FBXL2: variants seen among roughly 807,000 people sequenced by gnomAD.
The protein encoded by FBXL2 is F-box/LRR-repeat protein 2.
Under a neutral mutation model 69.2 loss-of-function variants are expected in FBXL2, and 38 were observed. That is an observed-to-expected ratio of 0.55 (90% CI 0.42 to 0.72). FBXL2 has a LOEUF of 0.72. Among genes scored for constraint, FBXL2 ranks in the 30% least tolerant of loss-of-function variants. FBXL2 has a pLI of 0.00. For missense variants in FBXL2, 354 were observed against 520.3 expected (o/e 0.68, Z 3.11); for synonymous variants, 192 against 201.3 (o/e 0.95, Z 0.39).
intron 4 of FBXL2, among the ~76,000 whole-genome samples, chr3:33,362,824 T>G (rs1264219422): frequency 6.6e-6 from 1 of 152,082 alleles, no homozygotes; most frequent in Non-Finnish European, 1.5e-5. Context: ...TATTAGGTAC[T>G]TAAATATATA....
chr3:33,404,582 G>C (rs953982732), downstream of FBXL2, among the ~76,000 whole-genome samples: 1 of 151,890 alleles, frequency 6.6e-6, no homozygotes, highest in African/African-American at 2.4e-5. Flanking sequence ...GGGAAGGGGA[G>C]GCTGCAGTGA....
At chr3:33,422,468 G>A in the FBXL2 span, among the ~76,000 whole-genome samples, 2 of 152,128 alleles carry the variant, frequency 1.3e-5, no homozygotes, top group Non-Finnish European at 2.9e-5. Context: ...TATAATCCCA[G>A]CACTTTGGGA....
At chr3:33,292,622 GA>G (rs1269594412) in intron 1 of FBXL2, among the ~76,000 whole-genome samples, 1 of 151,900 alleles carries the variant, frequency 6.6e-6, no homozygotes, top group Non-Finnish European at 1.5e-5. Context: ...CATCACTACA[GA>G]ATTTGAAAAA....
chr3:33,401,654 CTT>C, intron 12 of FBXL2, among the ~76,000 whole-genome samples: 2 of 152,304 alleles, frequency 1.3e-5, no homozygotes, highest in Middle Eastern at 6.8e-3. Flanking sequence ...GGTTTATTAT[CTT>C]GATTATTTAT....
intron 2 of FBXL2, among the ~76,000 whole-genome samples, chr3:33,336,942 C>T (rs550740256): frequency 2.0e-5 from 3 of 149,604 alleles, no homozygotes; most frequent in East Asian, 2.0e-4. Context: ...CAGTGGCTCA[C>T]GTCTGTAATC....
In FBXL2 at chr3:33,378,904, G is replaced by A. The variant is rs80094911; in HGVS notation, c.951+163G>A. The A allele has an allele frequency of 6.4e-4, 850 of 1,318,768 alleles. 8 individuals carry two copies. In the East Asian group the frequency reaches 0.021, roughly 32 times the overall value. 81.7% of individuals were successfully genotyped at this position (1,318,768 alleles called of 1,614,324 possible). A position where few individuals can be genotyped will look rare whatever the true frequency, so the allele number is the denominator to read the frequency against. On this transcript the variant is annotated intron_variant, in intron 13 of 14. Coordinates refer to ENST00000484457, the MANE Select transcript of FBXL2 (RefSeq NM_012157.5). ...TGGGAGGCAAGGTATCTAAATATTTGATTACTGCTTTCATTGAATTTGCAA... is the reference window on the plus strand; with the variant it reads ...TGGGAGGCAAGGTATCTAAATATTTAATTACTGCTTTCATTGAATTTGCAA...
intron 12 of FBXL2, chr3:33,400,062 CTG>C: frequency 1.9e-6 from 1 of 526,760 alleles, no homozygotes; most frequent in East Asian, 3.5e-5. Flanking sequence ...AAGAACTTCT[CTG>C]TACATTTTTC....
intron 2 of FBXL2, among the ~76,000 whole-genome samples, chr3:33,332,398 T>C (rs1190103322): frequency 6.6e-6 from 1 of 152,188 alleles, no homozygotes; most frequent in East Asian, 1.9e-4. Context: ...AAACATATAA[T>C]TACTATGTGG....
At chr3:33,400,331 G>C in intron 12 of FBXL2, 1 of 1,440,206 alleles carries the variant, frequency 6.9e-7, no homozygotes. Flanking sequence ...TTCAGACTTA[G>C]AACATTTAAA....
At chr3:33,390,043 T>C, downstream of FBXL2, 1 of 387,030 alleles carries the variant, frequency 2.6e-6, no homozygotes, top group Admixed American at 4.1e-5. Flanking sequence ...TTCTAGGAAC[T>C]GTATTTACTG....
Position 33,373,870 on chromosome 3 carries a change from C to T in FBXL2, c.606C>T (p.His202=). Residue 202 remains histidine (H), a synonymous_variant, in exon 9 of 15, where the codon CAC becomes CAT. Transcript: ENST00000484457. ...CTQLEDEALK[H]IQNYCHELVS... ...AGTTAGAAGATGAAGCTCTGAAACA[C>T]ATTCAGAATTACTGCCATGAGCTTG... 1 of 1,614,176 alleles carries T rather than the reference C, an allele frequency of 6.2e-7. No homozygotes were observed. Among genetic ancestry groups the T allele is most frequent in the South Asian group, 1.1e-5 (1 of 91,088 alleles).
At chr3:33,342,627 T>G (rs2040119059) in intron 2 of FBXL2, among the ~76,000 whole-genome samples, 1 of 151,224 alleles carries the variant, frequency 6.6e-6, no homozygotes, top group South Asian at 2.1e-4. Flanking sequence ...TAATACTTTG[T>G]TTCCCAACTT....
At chr3:33,395,038 A>C (rs1481525520) in intron 12 of FBXL2, among the ~76,000 whole-genome samples, 1 of 152,166 alleles carries the variant, frequency 6.6e-6, no homozygotes, top group Non-Finnish European at 1.5e-5. Context: ...CTCCACAAAC[A>C]CTCATGTTTG....
rs1198052934 is a variant in FBXL2 at position 33,388,061 on chromosome 3, C to T, written c.*2453C>T. On this transcript the variant is annotated 3_prime_UTR_variant, in exon 15 of 15. Coordinates refer to ENST00000484457, the MANE Select transcript of FBXL2 (RefSeq NM_012157.5). ...CTCCAGCCTGGGTGACAGAGCCAGA[C>T]TCCGTCTCAAAAAAAAAAAAAAAAA... The T allele has an allele frequency of 7.9e-6, 1 of 126,770 alleles. No individual in the cohort carries two copies. Among genetic ancestry groups the T allele is most frequent in the Admixed American group, 9.0e-5 (1 of 11,084 alleles). The allele number at this position is 126,770 out of a possible 1,614,324, so 7.9% of individuals were successfully genotyped here.
chr3:33,383,705 A>AACC, intron 13 of FBXL2: 1 of 388,144 alleles, frequency 2.6e-6, no homozygotes, highest in Non-Finnish European at 4.8e-6. Flanking sequence ...CAGTGTAGCA[A>AACC]ACCCATAACC....
At chr3:33,382,573 G>T (rs572592752) in intron 13 of FBXL2, 8 of 152,154 alleles carry the variant, frequency 5.3e-5, no homozygotes, top group African/African-American at 1.9e-4. Flanking sequence ...TGGGTACACT[G>T]TGATTTATTT....
intron 1 of FBXL2, among the ~76,000 whole-genome samples, chr3:33,285,687 G>A (rs1041917808): frequency 2.0e-5 from 3 of 152,250 alleles, no homozygotes; most frequent in South Asian, 4.2e-4. Context: ...CCAATCAGAC[G>A]TAGATTTGGT....
At chr3:33,393,188 ACT>A (rs2043837592) in intron 12 of FBXL2, 1 of 1,054,180 alleles carries the variant, frequency 9.5e-7, no homozygotes, top group African/African-American at 1.7e-5. Flanking sequence ...GTGATTCCCA[ACT>A]CTCTGAAAAT....
intron 2 of FBXL2, among the ~76,000 whole-genome samples, chr3:33,323,766 CAT>C (rs1385211251): frequency 1.3e-5 from 2 of 152,136 alleles, no homozygotes; most frequent in Non-Finnish European, 2.9e-5. Context: ...CTGCAATAAA[CAT>C]ATGTGTGTAT....
Sources: gnomAD v4.1 joint callset for allele counts (sites outside exome capture counted in the v4.1 genomes callset) on GRCh38, gnomAD v4.1.1 for gene constraint, MANE v1.5 for transcripts, NCBI Gene and HGNC (gene_info 2026-07-23, HGNC 2026-07-21) for gene names.